Variants in CLDN10 observed in about 807,000 individuals in gnomAD.
CLDN10 encodes the protein claudin-10.
CLDN10 carries 15 observed loss-of-function variants against 22.9 expected under a neutral mutation model. That is an observed-to-expected ratio of 0.65 (90% CI 0.44 to 1.01). The LOEUF is 1.01. Ranked by LOEUF, CLDN10 falls within the 50% of genes least tolerant of loss-of-function variation. The pLI, the probability that CLDN10 is intolerant of heterozygous loss-of-function variation, is 0.00. For synonymous variants in CLDN10, 114 were observed against 111.4 expected, an observed-to-expected ratio of 1.02 and a Z score of -0.15; for missense variants, 247 against 287.8, an observed-to-expected ratio of 0.86 and a Z score of 1.03.
At chr13:95,464,087 A>AT (rs1013928178) in intron 1 of CLDN10, among the ~76,000 whole-genome samples, 32 of 150,212 alleles carry the variant, frequency 2.1e-4, no homozygotes, top group African/African-American at 7.6e-4. Context: ...CAGACCCATG[A>AT]TTTTTTTTAA....
intron 1 of CLDN10, among the ~76,000 whole-genome samples, chr13:95,443,493 A>ACATGG (rs1229350947): frequency 6.6e-6 from 1 of 152,166 alleles, no homozygotes; most frequent in East Asian, 1.9e-4. Flanking sequence ...GAAGCGGGAG[A>ACATGG]CATGGCATGG....
intron 1 of CLDN10, among the ~76,000 whole-genome samples, chr13:95,532,958 A>G (rs943180142): frequency 1.3e-5 from 2 of 152,106 alleles, no homozygotes; most frequent in East Asian, 3.8e-4. Context: ...TGTGGAAAAC[A>G]CAAGAAAAAC....
chr13:95,494,469 A>C (rs1367929103), intron 1 of CLDN10, among the ~76,000 whole-genome samples: 1 of 152,206 alleles, frequency 6.6e-6, no homozygotes, highest in African/African-American at 2.4e-5. Flanking sequence ...GATATCATTC[A>C]AACTTTCTAT....
At chr13:95,505,140 C>A (rs748132624) in intron 1 of CLDN10, among the ~76,000 whole-genome samples, 5 of 152,138 alleles carry the variant, frequency 3.3e-5, no homozygotes, top group Non-Finnish European at 7.3e-5. Flanking sequence ...TTCTTAATTC[C>A]CATGAAAAGG....
chr13:95,436,993 G>A (rs1353906227), intron 1 of CLDN10, among the ~76,000 whole-genome samples: 1 of 151,844 alleles, frequency 6.6e-6, no homozygotes, highest in Non-Finnish European at 1.5e-5. Context: ...TTAGACTTAG[G>A]CCAGATTAAA....
intron 1 of CLDN10, among the ~76,000 whole-genome samples, chr13:95,486,246 A>G (rs1264323486): frequency 1.3e-5 from 2 of 152,180 alleles, no homozygotes; most frequent in South Asian, 2.1e-4. Flanking sequence ...TGCAAGTGGT[A>G]GAAATTGCAG....
intron 1 of CLDN10, among the ~76,000 whole-genome samples, chr13:95,466,221 T>C (rs1174975357): frequency 6.6e-6 from 1 of 152,118 alleles, no homozygotes; most frequent in Non-Finnish European, 1.5e-5. Flanking sequence ...TATTGAGGAT[T>C]TTACTATTCA....
chr13:95,478,693 T>G (rs2042709298), intron 1 of CLDN10, among the ~76,000 whole-genome samples: 1 of 152,104 alleles, frequency 6.6e-6, no homozygotes, highest in African/African-American at 2.4e-5. Context: ...GTATTCTGCT[T>G]CCCCCTAGTG....
At chr13:95,466,867 C>A (rs1032276004) in intron 1 of CLDN10, among the ~76,000 whole-genome samples, 1 of 151,286 alleles carries the variant, frequency 6.6e-6, no homozygotes, top group Non-Finnish European at 1.5e-5. Flanking sequence ...TTCCTCTATA[C>A]CCCCTCTACT....
chr13:95,577,990 G>C lies in CLDN10; in HGVS notation c.663G>C (p.Gln221His). 1 of 1,611,854 alleles carries C rather than the reference G, an allele frequency of 6.2e-7. No individual in the cohort carries two copies. Among genetic ancestry groups the C allele is most frequent in the Non-Finnish European group, 8.5e-7 (1 of 1,178,308 alleles). Residue 221 changes from glutamine to histidine, a missense_variant, in exon 5 of 5, where the codon CAG becomes CAC. Physicochemically the swap from Gln to His is conservative, Grantham distance 24 (BLOSUM62 0). Transcript: ENST00000299339. ...EDFKTTNPSKQFDKNAYV is the reference protein window; with the variant it reads ...EDFKTTNPSKHFDKNAYV ...TTAAAACAACAAACCCTTCAAAACA[G>C]TTTGATAAAAATGCTTATGTCTAAA...
intron 3 of CLDN10, among the ~76,000 whole-genome samples, chr13:95,570,567 G>A (rs111769326): frequency 1.2e-4 from 19 of 152,226 alleles, no homozygotes; most frequent in African/African-American, 3.9e-4. Flanking sequence ...AGAGAGGCAG[G>A]TGGTGGAGAG....
intron 1 of CLDN10, among the ~76,000 whole-genome samples, chr13:95,450,147 T>G (rs2042420162): frequency 6.6e-6 from 1 of 152,248 alleles, no homozygotes; most frequent in African/African-American, 2.4e-5. Context: ...AGTGCTGGGA[T>G]TACAGGCATG....
chr13:95,459,180 T>C (rs1381058681), intron 1 of CLDN10, among the ~76,000 whole-genome samples: 4 of 152,194 alleles, frequency 2.6e-5, no homozygotes, highest in African/African-American at 9.6e-5. Context: ...CCTGGCTGCT[T>C]TCACAGGCTG....
At chr13:95,506,761 A>C (rs1384141715) in intron 1 of CLDN10, among the ~76,000 whole-genome samples, 2 of 152,216 alleles carry the variant, frequency 1.3e-5, no homozygotes, top group Non-Finnish European at 1.5e-5. Context: ...TTCTGAGAAG[A>C]CTAAAATTCT....
chr13:95,496,428 T>C (rs1013144864), intron 1 of CLDN10, among the ~76,000 whole-genome samples: 1 of 152,276 alleles, frequency 6.6e-6, no homozygotes, highest in Non-Finnish European at 1.5e-5. Flanking sequence ...AAGATAGTAC[T>C]GTATGGGGCA....
intron 1 of CLDN10, among the ~76,000 whole-genome samples, chr13:95,461,763 C>A (rs78127562): frequency 6.6e-6 from 1 of 152,314 alleles, no homozygotes; most frequent in Non-Finnish European, 1.5e-5. Context: ...TACCTGTGCA[C>A]TTCTGTGAGA....
intron 1 of CLDN10, among the ~76,000 whole-genome samples, chr13:95,554,049 C>A (rs941834326): frequency 6.6e-6 from 1 of 152,136 alleles, no homozygotes; most frequent in Non-Finnish European, 1.5e-5. Context: ...TAGTTGATTC[C>A]TCTAAGATGG....
chr13:95,521,166 T>C (rs1344693641), intron 1 of CLDN10, among the ~76,000 whole-genome samples: 4 of 152,224 alleles, frequency 2.6e-5, no homozygotes, highest in Non-Finnish European at 5.9e-5. Flanking sequence ...CCAGTTCTTA[T>C]ACCATTTGTT....
At chr13:95,520,708 CG>C (rs1168525595) in intron 1 of CLDN10, among the ~76,000 whole-genome samples, 3 of 152,112 alleles carry the variant, frequency 2.0e-5, no homozygotes, top group Admixed American at 1.3e-4. Flanking sequence ...TGAGGGCGGG[CG>C]TGGTGGCTCA....
Sources: allele counts gnomAD v4.1 joint callset (sites outside exome capture counted in the v4.1 genomes callset), GRCh38; gene constraint gnomAD v4.1.1; transcripts MANE v1.5; gene names NCBI Gene and HGNC (gene_info 2026-07-23, HGNC 2026-07-21).